The following CTNNA3 variants were observed in gnomAD, a reference collection of about 807,000 sequenced individuals.
The protein encoded by CTNNA3 is catenin alpha 3.
CTNNA3 carries 76 observed loss-of-function variants against 95.7 expected under a neutral mutation model. The observed-to-expected ratio is 0.79, with a 90% confidence interval of 0.66 to 0.96. The LOEUF (loss-of-function observed/expected upper bound fraction) is 0.96. CTNNA3 is among the 40% of genes least tolerant of loss of function. The probability of loss-of-function intolerance (pLI) is 0.00; values close to 1 mark genes in which losing one functional copy is unlikely to be tolerated. For missense variants in CTNNA3, 1,191 were observed against 1,089.8 expected (o/e 1.09, Z -1.31); for synonymous variants, 431 against 374.4 (o/e 1.15, Z -1.74).
chr10:66,556,165 A>G (rs1265761399), intron 10 of CTNNA3, among the ~76,000 whole-genome samples: 1 of 152,000 alleles, frequency 6.6e-6, no homozygotes, highest in Non-Finnish European at 1.5e-5. Context: ...CAATGAGATG[A>G]TATCTCACAC....
At chr10:67,334,650 A>G (rs1841922054) in intron 5 of CTNNA3, 1 of 152,476 alleles carries the variant, frequency 6.6e-6, no homozygotes, top group South Asian at 2.1e-4. Flanking sequence ...AGAGAAGGCA[A>G]GCCTAAAAGA....
chr10:66,543,909 G>GCA (rs1841952192), intron 10 of CTNNA3, among the ~76,000 whole-genome samples: 1 of 9,700 alleles, frequency 1.0e-4, no homozygotes, highest in East Asian at 2.7e-3. Flanking sequence ...ATGTGTGTGT[G>GCA]TGTATATATA....
chr10:66,016,277 T>C (rs2079094498), intron 15 of CTNNA3, among the ~76,000 whole-genome samples: 1 of 152,186 alleles, frequency 6.6e-6, no homozygotes, highest in South Asian at 2.1e-4. Flanking sequence ...AGAAAGACAG[T>C]GCCTTAAGAG....
intron 7 of CTNNA3, among the ~76,000 whole-genome samples, chr10:66,789,723 G>T (rs1840893249): frequency 6.6e-6 from 1 of 152,230 alleles, no homozygotes; most frequent in Admixed American, 6.5e-5. Flanking sequence ...CGGATATTGT[G>T]TATGAAGTAG....
chr10:65,944,097 C>G (rs1005770973), intron 17 of CTNNA3, among the ~76,000 whole-genome samples: 2 of 152,182 alleles, frequency 1.3e-5, no homozygotes. Flanking sequence ...CTTGAGAAAG[C>G]CTTTAAAGTC....
At chr10:66,908,604 C>T (rs940899460) in intron 7 of CTNNA3, among the ~76,000 whole-genome samples, 9 of 152,048 alleles carry the variant, frequency 5.9e-5, no homozygotes, top group Non-Finnish European at 8.8e-5. Context: ...CCATCTCTAT[C>T]GAGCATAAAC....
intron 14 of CTNNA3, among the ~76,000 whole-genome samples, chr10:66,093,383 T>C (rs1230269697): frequency 3.9e-5 from 6 of 152,060 alleles, no homozygotes; most frequent in Admixed American, 1.3e-4. Context: ...TCAGCAGAAG[T>C]TTTTGTTTTA....
chr10:66,508,003 C>T (rs1342109012), intron 11 of CTNNA3, among the ~76,000 whole-genome samples: 1 of 151,986 alleles, frequency 6.6e-6, no homozygotes, highest in Non-Finnish European at 1.5e-5. Flanking sequence ...TACTCCACAT[C>T]CTTGTTAGCA....
At chr10:67,756,255 T>C (rs979238214) in intron 1 of CTNNA3, among the ~76,000 whole-genome samples, 5 of 152,188 alleles carry the variant, frequency 3.3e-5, no homozygotes, top group East Asian at 1.9e-4. Flanking sequence ...ACCTAGTTTT[T>C]AGATAAATCA....
chr10:66,056,669 C>G (rs942292555), intron 15 of CTNNA3, among the ~76,000 whole-genome samples: 2 of 152,060 alleles, frequency 1.3e-5, no homozygotes, highest in African/African-American at 4.8e-5. Flanking sequence ...TTAGCCATTT[C>G]TTTTATGGGA....
intron 3 of CTNNA3, among the ~76,000 whole-genome samples, chr10:67,603,470 T>C (rs1589476936): frequency 2.0e-5 from 3 of 152,274 alleles, no homozygotes; most frequent in East Asian, 3.9e-4. Flanking sequence ...ATGCGTGTTA[T>C]TGCCCCTGAA....
chr10:66,439,676 G>T lies in CTNNA3; in HGVS notation c.1532-60324C>A, dbSNP rs369714199. 4.2e-4 allele frequency among the ~76,000 whole-genome samples: 64 copies of T among 152,172 alleles called. 1 individual carries two copies. In the South Asian group the frequency reaches 0.013, roughly 31 times the overall value. ...AATATCCGGCTAATAAATCAAAATA[G>T]TAATTATATAAATGGTTTAAATTAG... On this transcript the variant is annotated intron_variant, in intron 11 of 17. Transcript: ENST00000433211.
intron 13 of CTNNA3, among the ~76,000 whole-genome samples, chr10:66,204,731 A>T (rs2087653191): frequency 6.6e-6 from 1 of 152,156 alleles, no homozygotes; most frequent in South Asian, 2.1e-4. Flanking sequence ...GGAATTTATC[A>T]GTTTAAATGT....
intron 5 of CTNNA3, among the ~76,000 whole-genome samples, chr10:67,256,209 CTCTT>C (rs1589094107): frequency 6.6e-6 from 1 of 152,122 alleles, no homozygotes; most frequent in African/African-American, 2.4e-5. Flanking sequence ...TCTTGCCTTG[CTCTT>C]TCTTTAATTT....
chr10:67,354,254 G>T (rs1842733633), intron 5 of CTNNA3, among the ~76,000 whole-genome samples: 1 of 152,014 alleles, frequency 6.6e-6, no homozygotes, highest in Non-Finnish European at 1.5e-5. Flanking sequence ...TGCCTGTGTA[G>T]CATCTTACAT....
intron 10 of CTNNA3, among the ~76,000 whole-genome samples, chr10:66,538,588 G>A (rs549076881): frequency 3.3e-5 from 5 of 152,226 alleles, no homozygotes; most frequent in South Asian, 4.1e-4. Flanking sequence ...AGATAGATAC[G>A]TGACTCTCCT....
At chr10:67,077,886 C>G (rs1238166684) in intron 7 of CTNNA3, among the ~76,000 whole-genome samples, 4 of 151,928 alleles carry the variant, frequency 2.6e-5, no homozygotes, top group Non-Finnish European at 5.9e-5. Context: ...ATCTTTTTAT[C>G]TAGATTTCTA....
chr10:66,565,599 G>A (rs2132147070), intron 10 of CTNNA3, among the ~76,000 whole-genome samples: 1 of 152,306 alleles, frequency 6.6e-6, no homozygotes, highest in Non-Finnish European at 1.5e-5. Context: ...ACTCACAGCA[G>A]GTTGAAGGAT....
intron 9 of CTNNA3, among the ~76,000 whole-genome samples, chr10:66,652,706 A>G (rs1845952833): frequency 6.6e-6 from 1 of 152,200 alleles, no homozygotes; most frequent in African/African-American, 2.4e-5. Context: ...TTACATGCCA[A>G]TATTCCTGGT....
Sources: allele counts gnomAD v4.1 joint callset (sites outside exome capture counted in the v4.1 genomes callset), GRCh38; gene constraint gnomAD v4.1.1; transcripts MANE v1.5; gene names NCBI Gene and HGNC (gene_info 2026-07-23, HGNC 2026-07-21).